Variants in CALHM4 observed in about 807,000 individuals in gnomAD.
CALHM4 encodes the protein calcium homeostasis modulator protein 4.
In CALHM4, 16 loss-of-function variants were observed where a neutral mutation model predicts 13.3. That is an observed-to-expected ratio of 1.20 (90% CI 0.81 to 1.82). The LOEUF is 1.82. CALHM4 is among the 40% of genes most tolerant of loss of function. CALHM4 has a pLI of 0.00. For synonymous variants in CALHM4, 127 were observed against 137.1 expected (o/e 0.93, Z 0.52); for missense variants, 344 against 374.9 (o/e 0.92, Z 0.68).
rs74655702 is a variant in CALHM4, at chr6:116,538,160, T to C, written c.-108-5605T>C. ...TGATTAAAATGAATATGTGGAATTA[T>C]CTCTTCTGAGTCTCTTCAGAAGCTT... On this transcript the variant is annotated intron_variant, in intron 1 of 2. Coordinates refer to the CALHM4 transcript ENST00000368597. Among the ~76,000 whole-genome samples, 593 of 152,364 alleles carry C rather than the reference T, an allele frequency of 3.9e-3. 4 individuals carry two copies. Among genetic ancestry groups the C allele is most frequent in the Non-Finnish European group, 6.5e-3 (441 of 68,032 alleles).
exon 2 of CALHM4, chr6:116,543,781 G>A (rs1437905368): frequency 2.6e-5 from 39 of 1,517,290 alleles, no homozygotes; most frequent in African/African-American, 6.9e-5. Context: ...GCAAGAATTG[G>A]ATAAGACTTC....
chr6:116,530,210 C>A (rs1772611454), intron 1 of CALHM4, among the ~76,000 whole-genome samples: 1 of 151,850 alleles, frequency 6.6e-6, no homozygotes, highest in South Asian at 2.1e-4. Context: ...GCATAAGGAA[C>A]AAACCACCCC....
intron 1 of CALHM4, among the ~76,000 whole-genome samples, chr6:116,555,681 C>A (rs973045535): frequency 6.6e-6 from 1 of 152,174 alleles, no homozygotes; most frequent in Non-Finnish European, 1.5e-5. Flanking sequence ...ATCCCAAGAT[C>A]ATGCTATTTC....
intron 1 of CALHM4, among the ~76,000 whole-genome samples, chr6:116,541,755 T>A (rs1388072975): frequency 1.3e-5 from 2 of 152,208 alleles, no homozygotes; most frequent in African/African-American, 2.4e-5. Context: ...ATTCTCACTT[T>A]GCATATCCAC....
At position 116,540,380 on chromosome 6, in the gene CALHM4, T is replaced by C. The variant is rs1285738828; in HGVS notation, c.-108-3385T>C. The stretch of plus-strand genomic sequence containing the variant: ...ATAGTTACCTGGGCAATTATGTCTA[T>C]AATTTCTGAATAACTATGGCATCTT... On this transcript the variant is annotated intron_variant, in intron 1 of 2. Transcript: ENST00000368597. The C allele has an allele frequency of 1.9e-6, 3 of 1,551,248 alleles. No individual in the cohort carries two copies. In the South Asian group the frequency reaches 3.6e-5, roughly 18 times the overall value.
chr6:116,544,047 G>A (rs1244957960), intron 2 of CALHM4, among the ~76,000 whole-genome samples: 2 of 151,552 alleles, frequency 1.3e-5, no homozygotes, highest in East Asian at 3.9e-4. Flanking sequence ...AAGAAATGCT[G>A]GTAAATTATC....
upstream of CALHM4, among the ~76,000 whole-genome samples, chr6:116,553,483 G>A (rs1015239501): frequency 1.3e-5 from 2 of 152,178 alleles, no homozygotes; most frequent in Non-Finnish European, 2.9e-5. Context: ...ATACAAAGCA[G>A]CACATAGAAA....
upstream of CALHM4, among the ~76,000 whole-genome samples, chr6:116,551,044 C>A (rs1315250284): frequency 3.0e-4 from 45 of 152,212 alleles, no homozygotes; most frequent in Admixed American, 2.9e-3. Context: ...ATTGTTTAAG[C>A]TAGCCAACCC....
At chr6:116,555,269 C>T (rs889435832) in intron 1 of CALHM4, among the ~76,000 whole-genome samples, 2 of 152,076 alleles carry the variant, frequency 1.3e-5, no homozygotes, top group Non-Finnish European at 2.9e-5. Flanking sequence ...AGCCCTAATG[C>T]TCAGAGGAGC....
chr6:116,544,913 G>C (rs747292256), intron 2 of CALHM4, among the ~76,000 whole-genome samples: 1 of 151,792 alleles, frequency 6.6e-6, no homozygotes, highest in Non-Finnish European at 1.5e-5. Flanking sequence ...CTATAAGAGA[G>C]TATTAAAGAA....
intron 2 of CALHM4, among the ~76,000 whole-genome samples, chr6:116,545,914 G>A (rs1181048409): frequency 6.6e-6 from 1 of 152,110 alleles, no homozygotes; most frequent in South Asian, 2.1e-4. Context: ...AGAAACCTTC[G>A]CAATCCAAGA....
upstream of CALHM4, among the ~76,000 whole-genome samples, chr6:116,551,016 GC>G (rs1417622711): frequency 6.6e-6 from 1 of 152,108 alleles, no homozygotes; most frequent in Non-Finnish European, 1.5e-5. Context: ...TAACCTCTGT[GC>G]CCCAAGGCCA....
At chr6:116,557,751 C>G (rs1774390454) in intron 1 of CALHM4, 74 bp from the exon 2 acceptor site, 2 of 1,504,336 alleles carry the variant, frequency 1.3e-6, no homozygotes, top group South Asian at 2.6e-5. Flanking sequence ...GTAGGAATCC[C>G]CCCTCCCATG....
chr6:116,546,533 T>C (rs1773791092), intron 2 of CALHM4, among the ~76,000 whole-genome samples: 1 of 152,154 alleles, frequency 6.6e-6, no homozygotes. Flanking sequence ...TGTGGTGTAG[T>C]TGAAAGAACC....
upstream of CALHM4, among the ~76,000 whole-genome samples, chr6:116,552,864 G>A (rs1562363183): frequency 6.6e-6 from 1 of 152,160 alleles, no homozygotes; most frequent in Non-Finnish European, 1.5e-5. Context: ...CACAAGGTCA[G>A]GAGATCGAGA....
At chr6:116,549,998 A>T (rs1010951516), upstream of CALHM4, among the ~76,000 whole-genome samples, 1 of 83,806 alleles carries the variant, frequency 1.2e-5, no homozygotes, top group Non-Finnish European at 2.3e-5. Flanking sequence ...ATATATATAT[A>T]TATATATATA....
At chr6:116,554,446 T>A in intron 1 of CALHM4, 95 bp downstream of exon 1, 1 of 1,072,258 alleles carries the variant, frequency 9.3e-7, no homozygotes, top group Non-Finnish European at 1.3e-6. Context: ...TTATATTCTC[T>A]GATTATAGAA....
At chr6:116,529,972 C>A (rs950160547) in intron 1 of CALHM4, among the ~76,000 whole-genome samples, 20 of 152,010 alleles carry the variant, frequency 1.3e-4, no homozygotes, top group African/African-American at 4.6e-4. Context: ...AAAGAACATT[C>A]AGAGGACAGG....
intron 1 of CALHM4, among the ~76,000 whole-genome samples, chr6:116,534,798 C>A (rs1772970713): frequency 6.6e-6 from 1 of 151,992 alleles, no homozygotes; most frequent in Non-Finnish European, 1.5e-5. Context: ...AAGAAAAGTT[C>A]TCTTCTTTTG....
Sources: allele counts gnomAD v4.1 joint callset (sites outside exome capture counted in the v4.1 genomes callset), GRCh38; gene constraint gnomAD v4.1.1; transcripts MANE v1.5; gene names NCBI Gene and HGNC (gene_info 2026-07-23, HGNC 2026-07-21).